Variants in ANK3 observed in about 807,000 individuals in gnomAD.
The protein encoded by ANK3 is ankyrin 3.
In ANK3, 57 loss-of-function variants were observed where a neutral mutation model predicts 370.9. The observed-to-expected ratio is 0.15, with a 90% CI of 0.12 to 0.19. The LOEUF (loss-of-function observed/expected upper bound fraction) is 0.19. Among genes scored for constraint, ANK3 ranks in the 10% least tolerant of loss-of-function variants. ANK3 has a pLI of 1.00. For synonymous variants in ANK3, 1,929 were observed against 1,946.3 expected, an observed-to-expected ratio of 0.99 and a Z score of 0.23; for missense variants, 4,439 against 5,302.1, an observed-to-expected ratio of 0.84 and a Z score of 5.06.
intron 2 of ANK3, among the ~76,000 whole-genome samples, chr10:60,422,188 T>G (rs909213080): frequency 9.9e-5 from 15 of 152,060 alleles, no homozygotes; most frequent in African/African-American, 3.6e-4. Context: ...TCCCCAAAGT[T>G]TCTACCATTA....
intron 25 of ANK3, among the ~76,000 whole-genome samples, chr10:60,128,565 G>A (rs1230987355): frequency 6.6e-6 from 1 of 151,976 alleles, no homozygotes; most frequent in Non-Finnish European, 1.5e-5. Context: ...ATTTTTAGTA[G>A]AGACAGGGTT....
chr10:60,664,647 T>A (rs1816797), intron 1 of ANK3, among the ~76,000 whole-genome samples: 1 of 152,108 alleles, frequency 6.6e-6, no homozygotes, highest in Admixed American at 6.5e-5. Flanking sequence ...ATCTAAAAAA[T>A]AATTGACCCC....
At chr10:60,102,952 CAATT>C (rs1338008912) in intron 28 of ANK3, among the ~76,000 whole-genome samples, 1 of 151,606 alleles carries the variant, frequency 6.6e-6, no homozygotes, top group African/African-American at 2.4e-5. Context: ...AATGGTAAGA[CAATT>C]TATTTTTTTT....
In ANK3 at chr10:60,505,201, T is replaced by C. The variant is rs139973463; in HGVS notation, c.96+109985A>G. ...TTTGTGCGTGATTTTTATAGTAAAA[T>C]GTTTTCTTTAAATAGAGATAATCTA... On this transcript the variant is annotated intron_variant, in intron 2 of 43. Transcript: ENST00000373827. 2.5e-3 allele frequency among the ~76,000 whole-genome samples: 384 copies of C among 152,204 alleles called. 1 individual carries two copies. The highest frequency in any genetic ancestry group is 3.7e-3 in the Non-Finnish European group (253 of 67,992).
chr10:60,304,500 G>T (rs903738585), intron 1 of ANK3, among the ~76,000 whole-genome samples: 1 of 151,880 alleles, frequency 6.6e-6, no homozygotes, highest in Non-Finnish European at 1.5e-5. Flanking sequence ...AAAATTAGCT[G>T]GGTGTGGTGG....
At chr10:60,214,422 G>A (rs1284909810) in intron 8 of ANK3, among the ~76,000 whole-genome samples, 1 of 152,056 alleles carries the variant, frequency 6.6e-6, no homozygotes, top group East Asian at 1.9e-4. Context: ...TGGGATACAT[G>A]TGCAGAACGT....
chr10:60,375,500 G>T (rs372399078), intron 1 of ANK3, among the ~76,000 whole-genome samples: 19 of 152,026 alleles, frequency 1.2e-4, no homozygotes, highest in Non-Finnish European at 1.8e-4. Flanking sequence ...CCTGCCTGGG[G>T]GGGGAGGGGG....
At chr10:60,660,352 C>A (rs1334830420) in intron 1 of ANK3, among the ~76,000 whole-genome samples, 1 of 152,136 alleles carries the variant, frequency 6.6e-6, no homozygotes, top group African/African-American at 2.4e-5. Context: ...CAAATAGCAG[C>A]ATCTCTCCCC....
intron 2 of ANK3, among the ~76,000 whole-genome samples, chr10:60,410,479 GGAA>G (rs1259436248): frequency 6.6e-6 from 1 of 152,058 alleles, no homozygotes; most frequent in Non-Finnish European, 1.5e-5. Flanking sequence ...ATGGAGGGAG[GGAA>G]GAAGGAAGAC....
intron 23 of ANK3, among the ~76,000 whole-genome samples, chr10:60,153,581 G>A (rs1239595597): frequency 6.6e-6 from 1 of 152,134 alleles, no homozygotes; most frequent in Non-Finnish European, 1.5e-5. Flanking sequence ...GGTATCTTAA[G>A]GTGACTTAAG....
chr10:60,654,068 A>G (rs550042695), intron 1 of ANK3, among the ~76,000 whole-genome samples: 3 of 152,032 alleles, frequency 2.0e-5, no homozygotes, highest in Non-Finnish European at 4.4e-5. Flanking sequence ...TTAATATTGC[A>G]TGTTTTTGAA....
At chr10:60,206,745 G>T (rs1306204690) in intron 10 of ANK3, among the ~76,000 whole-genome samples, 1 of 152,280 alleles carries the variant, frequency 6.6e-6, no homozygotes, top group East Asian at 1.9e-4. Context: ...TCTAATAAAA[G>T]AATCTGCTTT....
intron 2 of ANK3, among the ~76,000 whole-genome samples, chr10:60,595,148 C>T (rs1203499265): frequency 6.6e-6 from 1 of 152,116 alleles, no homozygotes; most frequent in African/African-American, 2.4e-5. Flanking sequence ...GGTAAAAGAG[C>T]TTCACGTTTT....
chr10:60,678,084 A>T (rs2079149943), intron 1 of ANK3, among the ~76,000 whole-genome samples: 1 of 152,252 alleles, frequency 6.6e-6, no homozygotes, highest in African/African-American at 2.4e-5. Context: ...CAGACTGAGA[A>T]CAAGGCACGG....
Position 60,276,102 on chromosome 10 carries a change from C to T in ANK3, c.414+2672G>A, listed in dbSNP as rs575490796. 1.4e-4 allele frequency among the ~76,000 whole-genome samples: 22 copies of T among 152,202 alleles called. No individual in the cohort carries two copies. In the South Asian group the frequency reaches 4.6e-3, roughly 32 times the overall value. ...AAGATCAAGGCAATGACAAAAATTA[C>T]TTTAAAATCTACAAATTCCTAGTTT... On this transcript the variant is annotated intron_variant, in intron 4 of 43. Coordinates refer to ENST00000280772, the MANE Select transcript of ANK3 (RefSeq NM_020987.5).
chr10:60,373,075 T>C (rs189408936), intron 1 of ANK3, among the ~76,000 whole-genome samples: 20 of 152,380 alleles, frequency 1.3e-4, no homozygotes, highest in Admixed American at 8.5e-4. Context: ...AGTGATCCTC[T>C]TGCACATGCA....
In ANK3 at chr10:60,270,149, G is replaced by A; in HGVS notation, c.495C>T (p.Ser165=). 6.3e-7 allele frequency: 1 copy of A among 1,595,954 alleles called. No individual in the cohort carries two copies. Among genetic ancestry groups the A allele is most frequent in the Non-Finnish European group, 8.6e-7 (1 of 1,169,418 alleles). Residue 165 remains serine (S), a synonymous_variant, in exon 5 of 44, where the codon AGC becomes AGT. Transcript: ENST00000280772. Reference sequence around the variant, plus strand: ...ATCTTACCTCTGTGGCTAGGCTCTGGCTTGCACCATTGTCAAGAAGAAACT... The same window carrying A: ...ATCTTACCTCTGTGGCTAGGCTCTGACTTGCACCATTGTCAAGAAGAAACT... The part of the protein sequence containing the change: ...VVKFLLDNGA[S]QSLATEDGFT...
intron 1 of ANK3, among the ~76,000 whole-genome samples, chr10:60,377,079 T>C (rs2060886197): frequency 6.6e-6 from 1 of 152,202 alleles, no homozygotes; most frequent in Non-Finnish European, 1.5e-5. Flanking sequence ...GGCAAATGTA[T>C]TTTGAGGGTT....
At chr10:60,401,775 C>T (rs1158243861) in intron 2 of ANK3, among the ~76,000 whole-genome samples, 1 of 152,086 alleles carries the variant, frequency 6.6e-6, no homozygotes, top group East Asian at 1.9e-4. Flanking sequence ...AGATTGCCTC[C>T]AATTTTTTTT....
Sources: gnomAD v4.1 joint callset for allele counts (sites outside exome capture counted in the v4.1 genomes callset) on GRCh38, gnomAD v4.1.1 for gene constraint, MANE v1.5 for transcripts, NCBI Gene and HGNC (gene_info 2026-07-23, HGNC 2026-07-21) for gene names.